PCDHGB1: variants seen among roughly 807,000 people sequenced by gnomAD.
PCDHGB1 encodes protocadherin gamma-B1.
In PCDHGB1, 34 loss-of-function variants were observed where a neutral mutation model predicts 56.6. That is an observed-to-expected ratio of 0.60 (90% CI 0.46 to 0.80). The LOEUF is 0.80. Among genes scored for constraint, PCDHGB1 ranks in the 30% least tolerant of loss-of-function variants. The pLI is 0.00. For synonymous variants in PCDHGB1, 561 were observed against 505.9 expected (o/e 1.11, Z -1.46); for missense variants, 1,278 against 1,204.6 (o/e 1.06, Z -0.90).
At chr5:141,419,991 T>C (rs1192003266) in intron 1 of PCDHGB1, 1 of 1,614,078 alleles carries the variant, frequency 6.2e-7, no homozygotes. Context: ...ATTCTAGCTA[T>C]TGCTCTACGC....
intron 3 of PCDHGB1, chr5:141,507,418 A>T (rs2099860509): frequency 6.6e-6 from 1 of 152,204 alleles, no homozygotes; most frequent in Non-Finnish European, 1.5e-5. Context: ...CTGTGAGGTT[A>T]AGTGGGGCCA....
chr5:141,355,576 G>T (rs1347277711), intron 1 of PCDHGB1: 1 of 1,614,022 alleles, frequency 6.2e-7, no homozygotes, highest in Non-Finnish European at 8.5e-7. Context: ...AATAATCGAT[G>T]TTAATGATAA....
intron 1 of PCDHGB1, chr5:141,423,057 T>C (rs1443300486): frequency 6.2e-7 from 1 of 1,614,060 alleles, no homozygotes; most frequent in Non-Finnish European, 8.5e-7. Flanking sequence ...ATCGCCTGCT[T>C]AAGGCCAGCG....
At chr5:141,371,840 A>G (rs1768098809) in intron 1 of PCDHGB1, 6 of 1,613,642 alleles carry the variant, frequency 3.7e-6, no homozygotes, top group Non-Finnish European at 5.1e-6. Flanking sequence ...CCGACTTGGG[A>G]CCTAATGGCC....
chr5:141,404,934 C>G, intron 1 of PCDHGB1: 1 of 1,613,986 alleles, frequency 6.2e-7, no homozygotes. Context: ...GTCACGCTCA[C>G]AGTAGCCATA....
At chr5:141,419,014 C>A (rs1332175722) in intron 1 of PCDHGB1, 1 of 1,613,780 alleles carries the variant, frequency 6.2e-7, no homozygotes, top group Non-Finnish European at 8.5e-7. Flanking sequence ...TCAGGTGTAG[C>A]TTAAGTAGAG....
At chr5:141,450,831 T>TATA (rs761717068) in intron 1 of PCDHGB1, among the ~76,000 whole-genome samples, 3 of 144,648 alleles carry the variant, frequency 2.1e-5, no homozygotes, top group Non-Finnish European at 4.5e-5. Flanking sequence ...TTATTATTAT[T>TATA]TTTTTTTTTT....
At chr5:141,446,263 C>T (rs2098496356) in intron 1 of PCDHGB1, among the ~76,000 whole-genome samples, 1 of 152,010 alleles carries the variant, frequency 6.6e-6, no homozygotes, top group East Asian at 1.9e-4. Flanking sequence ...ATATTATTAA[C>T]TGAATAAATA....
rs182905441 is a variant in PCDHGB1, at chr5:141,450,871, C to A, written c.2410-43936C>A. Among the ~76,000 whole-genome samples, 581 of 149,672 alleles carry A rather than the reference C, an allele frequency of 3.9e-3. 6 individuals carry two copies. Among genetic ancestry groups the A allele is most frequent in the Admixed American group, 0.011 (168 of 14,998 alleles). ...ATGGGGTCTTGCTCTGTCACCCAGGCTGGTGTGCAGTGGTGCGATATCGGC... is the reference window on the plus strand; with the variant it reads ...ATGGGGTCTTGCTCTGTCACCCAGGATGGTGTGCAGTGGTGCGATATCGGC... On this transcript the variant is annotated intron_variant, in intron 1 of 3. Coordinates refer to ENST00000523390, the MANE Select transcript of PCDHGB1 (RefSeq NM_018922.3).
rs754711722 is a variant in PCDHGB1, at chr5:141,371,108, C to A, written c.2409+18439C>A. Reference sequence around the variant, plus strand: ...TAATTGTCGCAGATGCAAATGATAACCCCCCAGTATTTACTCAGGACATGT... The same window carrying A: ...TAATTGTCGCAGATGCAAATGATAAACCCCCAGTATTTACTCAGGACATGT... On this transcript the variant is annotated intron_variant, in intron 1 of 3. Coordinates refer to ENST00000523390, the MANE Select transcript of PCDHGB1 (RefSeq NM_018922.3). 12 of 1,613,642 alleles carry A rather than the reference C, an allele frequency of 7.4e-6. No individual in the cohort carries two copies. In the African/African-American group the frequency reaches 1.5e-4, roughly 20 times the overall value.
chr5:141,427,914 A>G (rs757621783), intron 1 of PCDHGB1: 123 of 1,576,802 alleles, frequency 7.8e-5, no homozygotes, highest in Non-Finnish European at 7.6e-5. Context: ...CAGCGCCAAC[A>G]TGAGCCGGCG....
At chr5:141,355,304 T>C (rs1023536266) in intron 1 of PCDHGB1, 2 of 1,613,812 alleles carry the variant, frequency 1.2e-6, no homozygotes, top group African/African-American at 2.7e-5. Context: ...CTCTACTCGG[T>C]GTTTGAGGAG....
At chr5:141,356,207 CAG>C (rs1419624764) in intron 1 of PCDHGB1, 2 of 1,605,982 alleles carry the variant, frequency 1.2e-6, no homozygotes, top group African/African-American at 2.7e-5. Flanking sequence ...GTACTGGTGA[CAG>C]TTCTGGATGA....
intron 1 of PCDHGB1, among the ~76,000 whole-genome samples, chr5:141,449,588 C>CA (rs768743917): frequency 0.036 from 2,064 of 56,756 alleles, 20 homozygotes; most frequent in Middle Eastern, 0.06. Context: ...GACTCTGTCT[C>CA]AAAAAAAAAA....
chr5:141,405,797 T>C (rs1589594153), intron 1 of PCDHGB1, among the ~76,000 whole-genome samples: 1 of 148,508 alleles, frequency 6.7e-6, no homozygotes, highest in Non-Finnish European at 1.5e-5. Flanking sequence ...CTATTATAGT[T>C]AGCTTTCTCT....
chr5:141,469,753 T>C (rs564585597), intron 1 of PCDHGB1, among the ~76,000 whole-genome samples: 1 of 152,322 alleles, frequency 6.6e-6, no homozygotes, highest in East Asian at 1.9e-4. Flanking sequence ...ATTACAAAAA[T>C]ACATATATAC....
chr5:141,392,942 C>T, intron 1 of PCDHGB1: 2 of 1,613,954 alleles, frequency 1.2e-6, no homozygotes, highest in Non-Finnish European at 1.7e-6. Context: ...ACAAAGGCTC[C>T]TTCGTGGGTA....
At chr5:141,387,526 G>A (rs186607627) in intron 1 of PCDHGB1, among the ~76,000 whole-genome samples, 58 of 152,324 alleles carry the variant, frequency 3.8e-4, no homozygotes, top group African/African-American at 1.3e-3. Context: ...ATATACAGAC[G>A]TATCCACGTA....
intron 1 of PCDHGB1, chr5:141,422,878 C>T: frequency 6.2e-7 from 1 of 1,614,264 alleles, no homozygotes; most frequent in African/African-American, 1.3e-5. Flanking sequence ...GTCGCTGAGC[C>T]TGTTCGTGCT....
Sources: allele counts gnomAD v4.1 joint callset (sites outside exome capture counted in the v4.1 genomes callset), GRCh38; gene constraint gnomAD v4.1.1; transcripts MANE v1.5; gene names NCBI Gene and HGNC (gene_info 2026-07-23, HGNC 2026-07-21).